The following RBM33 variants were observed in gnomAD, a reference collection of about 807,000 sequenced individuals.
RBM33 encodes the protein RNA binding motif protein 33, also known as RNA-binding protein 33.
RBM33 carries 28 observed loss-of-function variants against 132.6 expected under a neutral mutation model. The observed-to-expected ratio is 0.21, with a 90% CI of 0.16 to 0.29. RBM33 has a LOEUF of 0.29. RBM33 is among the 10% of genes least tolerant of loss of function. The pLI, the probability that RBM33 is intolerant of heterozygous loss-of-function variation, is 1.00. For synonymous variants in RBM33, 634 were observed against 593.0 expected (o/e 1.07, Z -1.01); for missense variants, 1,291 against 1,518.5 (o/e 0.85, Z 2.49).
At chr7:155,685,118 C>T in intron 5 of RBM33, 1 of 1,482,478 alleles carries the variant, frequency 6.7e-7, no homozygotes. Flanking sequence ...TTAAAATGAG[C>T]ATCTTTTTAG....
intron 7 of RBM33, among the ~76,000 whole-genome samples, chr7:155,710,293 C>T (rs61130029): frequency 0.03 from 4,630 of 152,242 alleles, 232 homozygotes; most frequent in African/African-American, 0.1. Flanking sequence ...ATTCCAGTTC[C>T]GGCTTTTCTC....
At chr7:155,687,783 TTGTAGATG>T (rs912495968) in intron 5 of RBM33, among the ~76,000 whole-genome samples, 7 of 152,200 alleles carry the variant, frequency 4.6e-5, no homozygotes, top group Admixed American at 4.6e-4. Context: ...GATCAGATGG[TTGTAGATG>T]TGTGGTATTA....
chr7:155,668,427 G>A (rs1020456301), intron 2 of RBM33, among the ~76,000 whole-genome samples: 6 of 152,124 alleles, frequency 3.9e-5, no homozygotes, highest in Admixed American at 6.5e-5. Context: ...TTTTTAGTGT[G>A]CCCCTTAGCT....
At position 155,711,212 on chromosome 7, in the gene RBM33, C is replaced by T. The variant is rs1024740766; in HGVS notation, c.958C>T (p.Pro320Ser). 2 of 1,566,290 alleles carry T rather than the reference C, an allele frequency of 1.3e-6. No individual in the cohort carries two copies. Among genetic ancestry groups the T allele is most frequent in the Non-Finnish European group, 8.7e-7 (1 of 1,155,712 alleles). The part of the protein sequence containing the change: ...PTQPPVVPQA[P>S]PPPPPPPQQQ... Reference sequence around the variant, plus strand: ...GTTAATTCCTCCACAGCCCCAGGCTCCCCCTCCACCGCCACCGCCGCCTCA... The same window carrying T: ...GTTAATTCCTCCACAGCCCCAGGCTTCCCCTCCACCGCCACCGCCGCCTCA... Residue 320 changes from proline (P) to serine (S), a missense_variant, in exon 8 of 18, where the codon CCC (proline) becomes TCC (serine). Pro to Ser is a moderately conservative substitution (Grantham distance 74). This residue lies in a region of RBM33 where 146 missense variants were observed against 137.1 expected (regional missense o/e 1.07). Coordinates refer to ENST00000401878, the MANE Select transcript of RBM33 (RefSeq NM_053043.3).
intron 9 of RBM33, among the ~76,000 whole-genome samples, chr7:155,732,166 C>T (rs1303308897): frequency 6.6e-6 from 1 of 152,090 alleles, no homozygotes; most frequent in Non-Finnish European, 1.5e-5. Flanking sequence ...GAAACTGAGC[C>T]GGGATAGGAG....
chr7:155,695,934 A>G (rs1476994751), intron 5 of RBM33, among the ~76,000 whole-genome samples: 1 of 151,454 alleles, frequency 6.6e-6, no homozygotes, highest in African/African-American at 2.4e-5. Context: ...ATATGTGCGC[A>G]CGTGTGTGTG....
intron 15 of RBM33, 149 bp from the exon 16 acceptor site, chr7:155,766,318 C>A: frequency 1.1e-6 from 1 of 889,500 alleles, no homozygotes; most frequent in Non-Finnish European, 1.7e-6. Context: ...TTAAAACATT[C>A]TCTGATAGTG....
chr7:155,688,681 C>T (rs1274638871), intron 5 of RBM33, among the ~76,000 whole-genome samples: 1 of 152,134 alleles, frequency 6.6e-6, no homozygotes, highest in Non-Finnish European at 1.5e-5. Context: ...GAGTTTTTAG[C>T]ATGAAGGGCT....
Position 155,644,866 on chromosome 7 carries a change from C to T in RBM33, c.-11C>T. 5 of 1,490,748 alleles carry T rather than the reference C, an allele frequency of 3.4e-6. No individual in the cohort carries two copies. The highest frequency in any genetic ancestry group is 1.4e-5 in the African/African-American group (1 of 68,970). 92.3% of individuals were successfully genotyped at this position (1,490,748 alleles called of 1,614,324 possible). On this transcript the variant is annotated 5_prime_UTR_variant, in exon 1 of 18. Transcript: ENST00000401878. The stretch of plus-strand genomic sequence containing the variant: ...GGTGGGGGAGGCTGAAGGCCGGGCC[C>T]CGCGAGTGCCATGGCGGCCGCCCTG...
intron 5 of RBM33, among the ~76,000 whole-genome samples, chr7:155,687,550 C>A (rs1799516005): frequency 6.6e-6 from 1 of 152,054 alleles, no homozygotes; most frequent in Non-Finnish European, 1.5e-5. Flanking sequence ...AAGTCCTTGC[C>A]CATGCCTATG....
intron 16 of RBM33, among the ~76,000 whole-genome samples, chr7:155,767,857 C>G (rs1301363152): frequency 6.6e-6 from 1 of 152,200 alleles, no homozygotes; most frequent in Non-Finnish European, 1.5e-5. Context: ...TGCAGGAACA[C>G]GGTAGACACT....
intron 14 of RBM33, among the ~76,000 whole-genome samples, chr7:155,756,867 A>T (rs980612938): frequency 2.0e-5 from 3 of 152,094 alleles, no homozygotes; most frequent in Non-Finnish European, 2.9e-5. Flanking sequence ...ATCAAAACCC[A>T]TATTTTCCTT....
At position 155,710,103 on chromosome 7, in the gene RBM33, T is replaced by C. The variant is rs535596360; in HGVS notation, c.949-1100T>C. On this transcript the variant is annotated intron_variant, in intron 7 of 17. Transcript: ENST00000401878. ...GTGATCCCTTATTATACGTGTTGTC[T>C]CTGTGGCATAGTAATGGATCATTTA... 4.6e-5 allele frequency among the ~76,000 whole-genome samples: 7 copies of C among 152,302 alleles called. No individual in the cohort carries two copies. The East Asian group carries it at 1.3e-3, about 29-fold the overall frequency.
intron 6 of RBM33, among the ~76,000 whole-genome samples, chr7:155,702,583 T>C (rs574493622): frequency 1.3e-5 from 2 of 152,220 alleles, no homozygotes; most frequent in South Asian, 2.1e-4. Context: ...ACAGGAGGAA[T>C]TGGTAATATC....
chr7:155,699,474 G>A (rs932100088), intron 5 of RBM33, among the ~76,000 whole-genome samples: 18 of 152,160 alleles, frequency 1.2e-4, no homozygotes, highest in Admixed American at 1.1e-3. Context: ...GGTGCAGCAC[G>A]TACCTTGCAG....
At chr7:155,701,317 G>A (rs1047704462) in intron 6 of RBM33, 4 of 327,240 alleles carry the variant, frequency 1.2e-5, no homozygotes, top group East Asian at 5.1e-5. Flanking sequence ...TTGTCAGGGC[G>A]AATTCTGGAC....
chr7:155,755,290 G>A (rs1462052440), intron 14 of RBM33, among the ~76,000 whole-genome samples: 2 of 152,188 alleles, frequency 1.3e-5, no homozygotes, highest in African/African-American at 2.4e-5. Flanking sequence ...CTACACCCCT[G>A]TCCTTCTGTG....
At chr7:155,760,331 C>T (rs1801993663) in intron 14 of RBM33, among the ~76,000 whole-genome samples, 1 of 152,184 alleles carries the variant, frequency 6.6e-6, no homozygotes, top group East Asian at 1.9e-4. Flanking sequence ...TCTTAGAGAG[C>T]AAACCTTCCA....
chr7:155,751,054 TC>T (rs1434510353), intron 14 of RBM33, among the ~76,000 whole-genome samples: 1 of 152,202 alleles, frequency 6.6e-6, no homozygotes, highest in Non-Finnish European at 1.5e-5. Context: ...TTTCTTCCCT[TC>T]CTACCTTCTC....
Sources: gnomAD v4.1 joint callset for allele counts (sites outside exome capture counted in the v4.1 genomes callset) on GRCh38, gnomAD v4.1.1 for gene constraint, gnomAD v4.1.1 regional missense constraint, MANE v1.5 for transcripts, NCBI Gene and HGNC (gene_info 2026-07-23, HGNC 2026-07-21) for gene names.